YWHAB: variants seen among roughly 807,000 people sequenced by gnomAD.
The protein encoded by YWHAB is 14-3-3 protein beta/alpha.
Under a neutral mutation model 28.5 loss-of-function variants are expected in YWHAB, and 2 were observed. The observed-to-expected ratio is 0.07, with a 90% CI of 0.03 to 0.22. YWHAB has a LOEUF of 0.22. Among genes scored for constraint, YWHAB ranks in the 10% least tolerant of loss-of-function variants. The pLI, the probability that YWHAB is intolerant of heterozygous loss-of-function variation, is 1.00. For synonymous variants in YWHAB, 103 were observed against 104.7 expected (o/e 0.98, Z 0.10); for missense variants, 148 against 297.1 (o/e 0.50, Z 3.69).
chr20:44,891,117 T>G (rs2066558928), intron 1 of YWHAB, among the ~76,000 whole-genome samples: 1 of 152,088 alleles, frequency 6.6e-6, no homozygotes, highest in African/African-American at 2.4e-5. Context: ...TAAGTAGATT[T>G]GCCTATGTTT....
chr20:44,897,607 A>AG (rs899938120), intron 1 of YWHAB, among the ~76,000 whole-genome samples: 2 of 152,202 alleles, frequency 1.3e-5, no homozygotes, highest in African/African-American at 2.4e-5. Flanking sequence ...TTTGGTATCC[A>AG]GGGGGTGTAG....
At chr20:44,899,281 C>G (rs1186258744) in intron 1 of YWHAB, among the ~76,000 whole-genome samples, 2 of 152,202 alleles carry the variant, frequency 1.3e-5, no homozygotes, top group African/African-American at 4.8e-5. Context: ...GAGTTCAAGA[C>G]CAGCCTGGCC....
At chr20:44,905,897 G>A (rs1439122130) in intron 4 of YWHAB, 104 bp from the exon 5 acceptor site, 7 of 811,050 alleles carry the variant, frequency 8.6e-6, no homozygotes, top group Non-Finnish European at 2.0e-6. Flanking sequence ...TTCCCCCAAA[G>A]TACTGTACAA....
intron 1 of YWHAB, among the ~76,000 whole-genome samples, chr20:44,897,617 G>T (rs1000673072): frequency 4.6e-5 from 7 of 152,200 alleles, no homozygotes; most frequent in African/African-American, 1.7e-4. Flanking sequence ...AGGGGGTGTA[G>T]GTTCCAGGAC....
At position 44,907,873 on chromosome 20, in the gene YWHAB, G is replaced by A. The variant is rs2066667807; in HGVS notation, c.*1435G>A. On this transcript the variant is annotated 3_prime_UTR_variant, in exon 6 of 6. Transcript: ENST00000353703. ...CAAAAAAGTATTTTTAAATATCCAT[G>A]ATTTCTCCCTGTATTGAGGCTAGCC... is the stretch of plus-strand genomic sequence containing the variant. The A allele has an allele frequency of 6.6e-6, 1 of 152,250 alleles. No individual in the cohort carries two copies. The highest frequency in any genetic ancestry group is 1.5e-5 in the Non-Finnish European group (1 of 68,044). The allele number at this position is 152,250 out of a possible 1,614,324, so 9.4% of individuals were successfully genotyped here. A position where few individuals can be genotyped will look rare whatever the true frequency, so the allele number is the denominator to read the frequency against.
At chr20:44,901,942 C>T (rs2066629714) in intron 2 of YWHAB, 109 bp downstream of exon 2, 2 of 1,254,520 alleles carry the variant, frequency 1.6e-6, no homozygotes, top group Non-Finnish European at 2.1e-6. Context: ...TCTGAATATA[C>T]TGGAAAGCTG....
rs1263783854 is a variant in YWHAB at position 44,908,407 on chromosome 20, G to C, written c.*1969G>C. The C allele has an allele frequency of 6.6e-6, 1 of 152,536 alleles. No homozygotes were observed. The highest frequency in any genetic ancestry group is 6.6e-5 in the Admixed American group (1 of 15,258). The allele number at this position is 152,536 out of a possible 1,614,324, so 9.4% of individuals were successfully genotyped here. Reference sequence around the variant, plus strand: ...GTATAGCAAAAAAGAAAAATCCCCGGTTATTGATGTACTAGATTTGTGTAT... The same window carrying C: ...GTATAGCAAAAAAGAAAAATCCCCGCTTATTGATGTACTAGATTTGTGTAT... On this transcript the variant is annotated 3_prime_UTR_variant, in exon 6 of 6. Coordinates refer to ENST00000353703, the MANE Select transcript of YWHAB (RefSeq NM_139323.4).
intron 1 of YWHAB, chr20:44,886,195 C>T (rs2145519400): frequency 1.3e-5 from 2 of 152,612 alleles, no homozygotes; most frequent in Non-Finnish European, 2.9e-5. Flanking sequence ...CCCTCACTAT[C>T]TGCTTCGGGC....
chr20:44,893,393 T>TA (rs1188194098), intron 1 of YWHAB, among the ~76,000 whole-genome samples: 3 of 152,000 alleles, frequency 2.0e-5, no homozygotes, highest in Non-Finnish European at 2.9e-5. Flanking sequence ...CTTTTTTTCT[T>TA]AAAAAAAGAA....
At chr20:44,892,006 A>G (rs1321380297) in intron 1 of YWHAB, among the ~76,000 whole-genome samples, 1 of 152,218 alleles carries the variant, frequency 6.6e-6, no homozygotes, top group African/African-American at 2.4e-5. Flanking sequence ...TTTCTGGGTA[A>G]CACCCACTAA....
chr20:44,899,195 T>G (rs2066612712), intron 1 of YWHAB, among the ~76,000 whole-genome samples: 2 of 151,032 alleles, frequency 1.3e-5, no homozygotes, highest in Non-Finnish European at 1.5e-5. Context: ...ATACTGGCAT[T>G]GGCTAGGTGC....
chr20:44,906,256 A>T (rs1421492119), intron 5 of YWHAB, 126 bp from the exon 6 acceptor site: 1 of 1,185,132 alleles, frequency 8.4e-7, no homozygotes, highest in Non-Finnish European at 1.2e-6. Flanking sequence ...CTTTGCAATC[A>T]TCCCTGTCTG....
chr20:44,904,262 G>A (rs1001219160), intron 3 of YWHAB, 146 bp downstream of exon 3: 28 of 1,064,374 alleles, frequency 2.6e-5, no homozygotes, highest in Non-Finnish European at 3.2e-5. Context: ...TGTGACGAAC[G>A]GGGTCATGGG....
rs1470550167 is a variant in YWHAB at position 44,908,294 on chromosome 20, C to G, written c.*1856C>G. 2 of 152,462 alleles carry G rather than the reference C, an allele frequency of 1.3e-5. No individual in the cohort carries two copies. The highest frequency in any genetic ancestry group is 2.9e-5 in the Non-Finnish European group (2 of 68,020). 9.4% of individuals were successfully genotyped at this position (152,462 alleles called of 1,614,324 possible). ...TGTATATCTGGTAGCTCTTTTCTTG[C>G]TTTGTTTTTTCTTACCAGTATTCTG... On this transcript the variant is annotated 3_prime_UTR_variant, in exon 6 of 6. Coordinates refer to ENST00000353703, the MANE Select transcript of YWHAB (RefSeq NM_139323.4).
Position 44,904,036 on chromosome 20 carries a change from A to G in YWHAB, c.344A>G (p.Glu115Gly), listed in dbSNP as rs1170885547. The change falls in exon 3 of 6, where the codon GAA (glutamate) becomes GGA (glycine). Residue 115 changes from glutamate (E) to glycine (G), a missense_variant. Around this residue, in one of 2 missense-constraint regions of YWHAB, gnomAD observed 110 missense variants for 177.9 expected, o/e 0.62. Coordinates refer to ENST00000353703, the MANE Select transcript of YWHAB (RefSeq NM_139323.4). ...CTTATTCCCAATGCTACACAACCAG[A>G]AAGTAAGGTGTTCTACTTGAAAATG... Reference protein sequence around the residue: ...KYLIPNATQPESKVFYLKMKG... With the variant: ...KYLIPNATQPGSKVFYLKMKG... The G allele has an allele frequency of 1.9e-6, 3 of 1,602,600 alleles. No homozygotes were observed. The highest frequency in any genetic ancestry group is 1.7e-6 in the Non-Finnish European group (2 of 1,177,374).
chr20:44,903,108 G>A, intron 2 of YWHAB: 1 of 986,074 alleles, frequency 1.0e-6, no homozygotes, highest in Non-Finnish European at 1.2e-6. Flanking sequence ...GACTCCTTCA[G>A]AACTACTTTT....
intron 1 of YWHAB, among the ~76,000 whole-genome samples, chr20:44,892,071 T>C (rs1601088723): frequency 6.6e-6 from 1 of 152,330 alleles, no homozygotes; most frequent in East Asian, 1.9e-4. Flanking sequence ...GGCATCTGAT[T>C]TTTCTTCAGC....
intron 1 of YWHAB, among the ~76,000 whole-genome samples, chr20:44,895,049 T>G (rs2066587947): frequency 6.6e-6 from 1 of 152,250 alleles, no homozygotes; most frequent in Non-Finnish European, 1.5e-5. Context: ...AGTACTCATC[T>G]GTATCACAGA....
At chr20:44,891,740 G>A (rs1379019522) in intron 1 of YWHAB, among the ~76,000 whole-genome samples, 1 of 152,194 alleles carries the variant, frequency 6.6e-6, no homozygotes, top group African/African-American at 2.4e-5. Flanking sequence ...AACAGCTGAT[G>A]TGAAAGAGGG....
Sources: allele counts gnomAD v4.1 joint callset (sites outside exome capture counted in the v4.1 genomes callset), GRCh38; gene constraint gnomAD v4.1.1; regional missense constraint gnomAD v4.1.1; transcripts MANE v1.5; gene names NCBI Gene and HGNC (gene_info 2026-07-23, HGNC 2026-07-21).